The following SLC38A9 variants were observed in gnomAD, a reference collection of about 807,000 sequenced individuals.
SLC38A9 encodes the protein neutral amino acid transporter 9.
In SLC38A9, 48 loss-of-function variants were observed where a neutral mutation model predicts 62.3. The ratio of observed to expected loss-of-function variants is 0.77; its 90% CI spans 0.61 to 0.98. The LOEUF (loss-of-function observed/expected upper bound fraction) is 0.98, where lower values mean the gene tolerates loss of function less well. Among genes scored for constraint, SLC38A9 ranks in the 50% least tolerant of loss-of-function variants. SLC38A9 has a pLI of 0.00. For missense variants in SLC38A9, 541 were observed against 679.8 expected (o/e 0.80, Z 2.27); for synonymous variants, 204 against 227.7 (o/e 0.90, Z 0.94).
intron 3 of SLC38A9, among the ~76,000 whole-genome samples, chr5:55,690,469 T>C (rs2150528682): frequency 6.6e-6 from 1 of 152,300 alleles, no homozygotes; most frequent in Admixed American, 6.5e-5. Flanking sequence ...GGTATAAAAG[T>C]AATACAATTA....
chr5:55,676,617 C>T (rs1752136476), intron 3 of SLC38A9, among the ~76,000 whole-genome samples: 1 of 152,130 alleles, frequency 6.6e-6, no homozygotes, highest in Admixed American at 6.6e-5. Context: ...TTGTATCATA[C>T]AGAAATGTAT....
chr5:55,695,400 C>A (rs992826319), intron 3 of SLC38A9, among the ~76,000 whole-genome samples: 1 of 90,022 alleles, frequency 1.1e-5, no homozygotes, highest in African/African-American at 3.4e-5. Flanking sequence ...TTTTCCTAGG[C>A]AGAGGACCCT....
In SLC38A9 at chr5:55,667,988, T is replaced by C. The variant is rs1032579207; in HGVS notation, c.526+1240A>G. Among the ~76,000 whole-genome samples the C allele has an allele frequency of 5.9e-5, 9 of 152,124 alleles. No individual in the cohort carries two copies. In the South Asian group the frequency reaches 1.4e-3, roughly 24 times the overall value. ...TAGTTCGAGACCAACTTGAGCAACATGGTGAAACCCTGTCTCTATGAAAAA... is the reference window on the plus strand; with the variant it reads ...TAGTTCGAGACCAACTTGAGCAACACGGTGAAACCCTGTCTCTATGAAAAA... On this transcript the variant is annotated intron_variant, in intron 7 of 15. Coordinates refer to ENST00000396865, the MANE Select transcript of SLC38A9 (RefSeq NM_173514.4).
At chr5:55,694,216 A>AAG in intron 3 of SLC38A9, 1 of 277,836 alleles carries the variant, frequency 3.6e-6, no homozygotes, top group Non-Finnish European at 7.4e-6. Flanking sequence ...TCAAAAAAAA[A>AAG]AAAAAAAATC....
intron 3 of SLC38A9, among the ~76,000 whole-genome samples, chr5:55,677,926 T>TTG (rs10682261): frequency 0.064 from 7,165 of 112,082 alleles, 309 homozygotes; most frequent in Middle Eastern, 0.15. Flanking sequence ...TTTTTCTTTA[T>TTG]TGTGTGTGTG....
chr5:55,629,767 A>C (rs1743101219), intron 14 of SLC38A9, among the ~76,000 whole-genome samples: 2 of 152,216 alleles, frequency 1.3e-5, no homozygotes, highest in South Asian at 4.1e-4. Context: ...CCAAAGATAA[A>C]ATTAAAGTTT....
chr5:55,658,476 T>C (rs908555081), intron 8 of SLC38A9, among the ~76,000 whole-genome samples: 1 of 152,042 alleles, frequency 6.6e-6, no homozygotes, highest in African/African-American at 2.4e-5. Context: ...AGAGGGAAAT[T>C]TGGACACAGA....
chr5:55,694,491 T>C (rs570091910), intron 3 of SLC38A9, among the ~76,000 whole-genome samples: 1 of 25,440 alleles, frequency 3.9e-5, no homozygotes, highest in East Asian at 7.0e-4. Context: ...GACAATTCTG[T>C]GTGTGTGTGT....
At chr5:55,656,941 A>C (rs985722466) in intron 8 of SLC38A9, among the ~76,000 whole-genome samples, 167 bp from the exon 9 acceptor site, 2 of 151,850 alleles carry the variant, frequency 1.3e-5, no homozygotes, top group Non-Finnish European at 2.9e-5. Context: ...GCTTACTGCA[A>C]GCTCCGCCTC....
intron 12 of SLC38A9, among the ~76,000 whole-genome samples, chr5:55,639,438 T>A (rs1034896128): frequency 5.3e-5 from 8 of 152,182 alleles, no homozygotes; most frequent in African/African-American, 1.9e-4. Flanking sequence ...TTTGCAAATG[T>A]CTTTAGTTCA....
rs1349780996 is a variant in SLC38A9 at position 55,696,018 on chromosome 5, G to C, written c.113+1828C>G. Reference sequence around the variant, plus strand: ...TCCCGGACGGGGCAGCTGGCCGGGCGGGGGGCTGACCCCCCCACCTCCCTC... The same window carrying C: ...TCCCGGACGGGGCAGCTGGCCGGGCCGGGGGCTGACCCCCCCACCTCCCTC... On this transcript the variant is annotated intron_variant, in intron 3 of 15. Transcript: ENST00000396865. 8 of 72,136 alleles carry C rather than the reference G, an allele frequency of 1.1e-4. 1 individual carries two copies. The highest frequency in any genetic ancestry group is 2.7e-4 in the Non-Finnish European group (8 of 29,816). The allele number at this position is 72,136 out of a possible 1,614,324, so 4.5% of individuals were successfully genotyped here. A position where few individuals can be genotyped will look rare whatever the true frequency, so the allele number is the denominator to read the frequency against.
At chr5:55,642,706 TAG>T (rs1459829707) in intron 12 of SLC38A9, among the ~76,000 whole-genome samples, 1 of 152,212 alleles carries the variant, frequency 6.6e-6, no homozygotes, top group Non-Finnish European at 1.5e-5. Flanking sequence ...ACAACCCTGA[TAG>T]GTAGCTATAA....
At chr5:55,682,142 C>T (rs756462998) in intron 3 of SLC38A9, among the ~76,000 whole-genome samples, 10 of 138,348 alleles carry the variant, frequency 7.2e-5, no homozygotes, top group Non-Finnish European at 1.3e-4. Flanking sequence ...CAGGGAGCAT[C>T]TGAATAGGTT....
At chr5:55,710,640 G>A (rs1326301592) in intron 2 of SLC38A9, among the ~76,000 whole-genome samples, 1 of 151,486 alleles carries the variant, frequency 6.6e-6, no homozygotes, top group Non-Finnish European at 1.5e-5. Context: ...TTTTTGAGAC[G>A]GAGCCTCACT....
At chr5:55,666,730 C>T (rs902758282) in intron 7 of SLC38A9, among the ~76,000 whole-genome samples, 1 of 151,936 alleles carries the variant, frequency 6.6e-6, no homozygotes, top group African/African-American at 2.4e-5. Context: ...ACCATCTCTA[C>T]AAAAAATACA....
At chr5:55,637,813 C>T (rs900156940) in intron 12 of SLC38A9, among the ~76,000 whole-genome samples, 1 of 151,106 alleles carries the variant, frequency 6.6e-6, no homozygotes, top group South Asian at 2.1e-4. Flanking sequence ...CAGATGTAAA[C>T]TAAGTGCAGC....
At chr5:55,630,357 A>C (rs531215692) in intron 14 of SLC38A9, among the ~76,000 whole-genome samples, 2 of 151,932 alleles carry the variant, frequency 1.3e-5, no homozygotes, top group Non-Finnish European at 2.9e-5. Context: ...TCGCTCTGTC[A>C]CCCAGGCTGG....
chr5:55,675,446 G>GA (rs1241273492), intron 3 of SLC38A9: 22 of 216 alleles, frequency 0.1, no homozygotes, highest in African/African-American at 0.24. Context: ...CATTTGAGAA[G>GA]AAAAAATATA....
intron 3 of SLC38A9, among the ~76,000 whole-genome samples, chr5:55,684,427 A>T (rs1292362982): frequency 6.6e-6 from 1 of 152,214 alleles, no homozygotes; most frequent in Non-Finnish European, 1.5e-5. Context: ...GCAATCCTAG[A>T]TCACCTTAAT....
Sources: gnomAD v4.1 joint callset for allele counts (sites outside exome capture counted in the v4.1 genomes callset) on GRCh38, gnomAD v4.1.1 for gene constraint, MANE v1.5 for transcripts, NCBI Gene and HGNC (gene_info 2026-07-23, HGNC 2026-07-21) for gene names.